NUP210L: variants seen among roughly 807,000 people sequenced by gnomAD.
NUP210L encodes nucleoporin 210 like, also known as nuclear pore membrane glycoprotein 210-like.
In NUP210L, 74 loss-of-function variants were observed where a neutral mutation model predicts 208.5. That is an observed-to-expected ratio of 0.35 (90% CI 0.29 to 0.43). The LOEUF (loss-of-function observed/expected upper bound fraction) is 0.43, where lower values mean the gene tolerates loss of function less well. NUP210L is among the 20% of genes least tolerant of loss of function. The probability of loss-of-function intolerance (pLI) is 1.00; values close to 1 mark genes in which losing one functional copy is unlikely to be tolerated. For synonymous variants in NUP210L, 780 were observed against 816.9 expected, an observed-to-expected ratio of 0.95 and a Z score of 0.77; for missense variants, 1,843 against 2,289.4, an observed-to-expected ratio of 0.81 and a Z score of 3.98.
intron 33 of NUP210L, among the ~76,000 whole-genome samples, chr1:154,017,808 A>G (rs1651346777): frequency 6.6e-6 from 1 of 151,966 alleles, no homozygotes; most frequent in African/African-American, 2.4e-5. Context: ...GAGCCACGGC[A>G]CTAAGCCTGG....
intron 38 of NUP210L, among the ~76,000 whole-genome samples, chr1:153,993,563 C>T (rs1449968337): frequency 7.0e-6 from 1 of 142,672 alleles, no homozygotes. Flanking sequence ...CAGACTCTGT[C>T]TCAGAAAAAA....
At chr1:154,133,553 A>C (rs921252376) in intron 7 of NUP210L, among the ~76,000 whole-genome samples, 8 of 149,522 alleles carry the variant, frequency 5.4e-5, no homozygotes, top group African/African-American at 2.0e-4. Context: ...AAAAAAAAAA[A>C]ATCTGGCTGG....
At chr1:154,011,405 G>T (rs1650911130) in intron 34 of NUP210L, among the ~76,000 whole-genome samples, 1 of 151,724 alleles carries the variant, frequency 6.6e-6, no homozygotes, top group Non-Finnish European at 1.5e-5. Context: ...TGTATTTTTA[G>T]TAGAGACAGG....
At chr1:154,138,551 A>C (rs1399569071) in intron 5 of NUP210L, among the ~76,000 whole-genome samples, 1 of 152,214 alleles carries the variant, frequency 6.6e-6, no homozygotes, top group African/African-American at 2.4e-5. Context: ...TAGAACACAG[A>C]AATTCTTTTA....
intron 25 of NUP210L, among the ~76,000 whole-genome samples, chr1:154,053,920 C>G (rs1653667448): frequency 6.6e-6 from 1 of 152,134 alleles, no homozygotes; most frequent in South Asian, 2.1e-4. Flanking sequence ...CAATGTACCC[C>G]ATAAATACAT....
At chr1:153,995,988 G>T (rs1649833511) in intron 37 of NUP210L, 7 of 393,182 alleles carry the variant, frequency 1.8e-5, no homozygotes, top group South Asian at 1.4e-4. Flanking sequence ...TAATAAAAAT[G>T]AGGAGACTTA....
intron 37 of NUP210L, chr1:153,995,614 T>C: frequency 1.0e-6 from 1 of 991,902 alleles, no homozygotes; most frequent in Non-Finnish European, 1.6e-6. Context: ...CCAGGGACGT[T>C]GTCTGCAGGC....
At chr1:154,084,578 T>TA (rs897980595) in intron 16 of NUP210L, among the ~76,000 whole-genome samples, 1 of 151,948 alleles carries the variant, frequency 6.6e-6, no homozygotes, top group African/African-American at 2.4e-5. Flanking sequence ...GCTTTATTTT[T>TA]AAAAAATTTT....
At chr1:154,038,009 G>A (rs1350037120) in intron 27 of NUP210L, among the ~76,000 whole-genome samples, 4 of 152,080 alleles carry the variant, frequency 2.6e-5, no homozygotes, top group South Asian at 2.1e-4. Context: ...TTTGTTATTC[G>A]TTTTCTGGTT....
intron 35 of NUP210L, among the ~76,000 whole-genome samples, chr1:154,004,812 T>C (rs1425148211): frequency 6.6e-6 from 1 of 151,184 alleles, no homozygotes; most frequent in African/African-American, 2.4e-5. Flanking sequence ...GTGGCCAGGC[T>C]ATTCCTCTTT....
chr1:154,121,860 A>G, intron 10 of NUP210L, among the ~76,000 whole-genome samples: 1 of 151,658 alleles, frequency 6.6e-6, no homozygotes, highest in Non-Finnish European at 1.5e-5. Flanking sequence ...GTAAGACTCC[A>G]TCTCAAAAAA....
chr1:154,100,475 A>T (rs1656406292), intron 13 of NUP210L, among the ~76,000 whole-genome samples: 6 of 142,954 alleles, frequency 4.2e-5, no homozygotes, highest in Admixed American at 1.4e-4. Flanking sequence ...CAAAACAAAT[A>T]TGATTTCAGT....
intron 16 of NUP210L, among the ~76,000 whole-genome samples, chr1:154,080,374 G>T (rs1458971770): frequency 1.5e-5 from 2 of 133,820 alleles, no homozygotes; most frequent in East Asian, 4.7e-4. Context: ...AAAAAAAAAG[G>T]AAGAAGGAGA....
chr1:154,020,074 T>C (rs1651470967), intron 32 of NUP210L, among the ~76,000 whole-genome samples: 1 of 152,224 alleles, frequency 6.6e-6, no homozygotes, highest in Non-Finnish European at 1.5e-5. Flanking sequence ...TTGGTAGTGG[T>C]TGTTTGCAAA....
exon 7 of NUP210L, chr1:154,135,933 T>C (rs1350678092): frequency 6.2e-7 from 1 of 1,607,206 alleles, no homozygotes; most frequent in Non-Finnish European, 8.5e-7. Flanking sequence ...TCTATGGTCT[T>C]GCAATTCCAG....
In NUP210L at chr1:154,060,580, A is replaced by G. The variant is rs1184442890; in HGVS notation, c.2810T>C (p.Val937Ala). Residue 937 changes from valine to alanine, a missense_variant, in exon 20 of 40, where the codon GTT becomes GCT. By Grantham distance (64) the Val-to-Ala change is moderately conservative (BLOSUM62 0). This residue lies in a region of NUP210L where 408 missense variants were observed against 600.8 expected (regional missense o/e 0.68). Transcript: ENST00000368559. ...TGCTTCCATGTAAGTGATGGTGACA[A>G]CACCCTGCTCACTGCTGTTGACTAA... The G allele has an allele frequency of 2.5e-6, 4 of 1,613,778 alleles. No homozygotes were observed. Among genetic ancestry groups the G allele is most frequent in the Non-Finnish European group, 3.4e-6 (4 of 1,179,706 alleles).
chr1:154,103,518 A>T lies in NUP210L; in HGVS notation c.1819+494T>A, dbSNP rs189366482. Among the ~76,000 whole-genome samples the T allele has an allele frequency of 3.9e-3, 587 of 149,634 alleles. 34 individuals are homozygous for T. In the East Asian group the frequency reaches 0.1, roughly 27 times the overall value. On this transcript the variant is annotated intron_variant, in intron 13 of 39. Coordinates refer to ENST00000368559, the Ensembl canonical transcript of NUP210L. ...AAACCCCGTCTCTACTAAAAATACA[A>T]AAAATTAGCCGGGCGTGGTAGCGGG...
intron 35 of NUP210L, among the ~76,000 whole-genome samples, chr1:154,006,966 A>ATATATATATATATT (rs1211789619): frequency 2.6e-5 from 3 of 115,808 alleles, no homozygotes; most frequent in African/African-American, 9.9e-5. Flanking sequence ...ATATATATAT[A>ATATATATATATATT]TTTTTTTTTT....
chr1:154,010,028 A>C, exon 35 of NUP210L: 10 of 1,613,668 alleles, frequency 6.2e-6, no homozygotes, highest in Non-Finnish European at 8.5e-6. Context: ...TGGAATGTCT[A>C]GCAAAGTATT....
Sources: gnomAD v4.1 joint callset for allele counts (sites outside exome capture counted in the v4.1 genomes callset) on GRCh38, gnomAD v4.1.1 for gene constraint, gnomAD v4.1.1 regional missense constraint, MANE v1.5 for transcripts, NCBI Gene and HGNC (gene_info 2026-07-23, HGNC 2026-07-21) for gene names.